Variants in PTPRB observed in about 807,000 individuals in gnomAD.
PTPRB encodes protein tyrosine phosphatase receptor type B.
A neutral mutation model predicts 238.1 loss-of-function variants in PTPRB; 97 were observed. The ratio of observed to expected loss-of-function variants is 0.41; its 90% confidence interval spans 0.35 to 0.48. The LOEUF is 0.48. Among genes scored for constraint, PTPRB ranks in the 20% least tolerant of loss-of-function variants. PTPRB has a pLI of 0.30. For synonymous variants in PTPRB, 970 were observed against 995.4 expected (o/e 0.97, Z 0.48); for missense variants, 2,292 against 2,681.9 (o/e 0.85, Z 3.21).
In PTPRB at chr12:70,521,520, A is replaced by G; in HGVS notation, c.6626-9T>C. The stretch of plus-strand genomic sequence containing the variant: ...CCTTGAATAGACTGGATCTGAAAGG[A>G]AGAACACTGTAATTAGAGACTGCCG... On this transcript the variant is annotated splice_polypyrimidine_tract_variant and intron_variant, in intron 33 of 33. Coordinates refer to ENST00000334414, the MANE Select transcript of PTPRB (RefSeq NM_001109754.4). 1 of 1,539,562 alleles carries G rather than the reference A, an allele frequency of 6.5e-7. No individual in the cohort carries two copies. Among genetic ancestry groups the G allele is most frequent in the African/African-American group, 1.4e-5 (1 of 72,610 alleles).
chr12:70,550,477 T>C (rs1019791785), intron 21 of PTPRB, among the ~76,000 whole-genome samples: 2 of 152,098 alleles, frequency 1.3e-5, no homozygotes, highest in Non-Finnish European at 2.9e-5. Context: ...GGGGAAACCT[T>C]AATTTAGAAG....
chr12:70,541,727 G>C (rs1875150106), intron 22 of PTPRB: 1 of 152,126 alleles, frequency 6.6e-6, no homozygotes, highest in African/African-American at 2.4e-5. Context: ...GTGATCTTTT[G>C]GGACTGGCTC....
intron 18 of PTPRB, among the ~76,000 whole-genome samples, chr12:70,556,466 T>TG (rs1469450948): frequency 6.6e-6 from 1 of 151,514 alleles, no homozygotes; most frequent in African/African-American, 2.4e-5. Flanking sequence ...ACCTTCCAAA[T>TG]GGAAAAAGCA....
In PTPRB at chr12:70,636,000, C is replaced by A. The variant is rs1203261359; in HGVS notation, c.122G>T (p.Gly41Val). 5 of 1,613,486 alleles carry A rather than the reference C, an allele frequency of 3.1e-6. No individual in the cohort carries two copies. The Admixed American group carries it at 6.7e-5, about 22-fold the overall frequency. Residue 41 changes from glycine to valine, a missense_variant, in exon 2 of 34, where the codon GGC becomes GTC. Around this residue, in one of 4 missense-constraint regions of PTPRB, gnomAD observed 1,205 missense variants for 1,287.8 expected, o/e 0.94. Transcript: ENST00000334414. Reference protein sequence around the residue: ...CLFKNEKVVVGSCNRTIQNQQ... With the variant: ...CLFKNEKVVVVSCNRTIQNQQ... ...GTTCTGGATGGTCCTGTTGCATGAG[C>A]CCACGACCACTTTCTCATTTTTGAA...
chr12:70,619,655 C>T (rs540903044), intron 3 of PTPRB, among the ~76,000 whole-genome samples: 2 of 152,276 alleles, frequency 1.3e-5, no homozygotes, highest in East Asian at 3.9e-4. Flanking sequence ...AACCTAGACT[C>T]CCCAGCCTAC....
chr12:70,595,766 A>T (rs1461063613), intron 5 of PTPRB, among the ~76,000 whole-genome samples: 1 of 152,188 alleles, frequency 6.6e-6, no homozygotes, highest in Non-Finnish European at 1.5e-5. Context: ...GATTTGAGTT[A>T]GAAGGGCCAT....
chr12:70,553,918 A>T (rs980784305), intron 20 of PTPRB, among the ~76,000 whole-genome samples: 1 of 152,228 alleles, frequency 6.6e-6, no homozygotes, highest in African/African-American at 2.4e-5. Context: ...GCTCATCTCC[A>T]TGGACATCAA....
chr12:70,576,762 G>T, intron 10 of PTPRB, 117 bp from the exon 11 acceptor site: 1 of 630,020 alleles, frequency 1.6e-6, no homozygotes, highest in Non-Finnish European at 2.8e-6. Flanking sequence ...ACTCACTCAG[G>T]AGATCTAATC....
At chr12:70,599,660 T>C (rs1883312333) in intron 4 of PTPRB, among the ~76,000 whole-genome samples, 3 of 152,188 alleles carry the variant, frequency 2.0e-5, no homozygotes, top group Admixed American at 2.0e-4. Flanking sequence ...TCATTGTATA[T>C]ACTTGAATAA....
chr12:70,578,270 C>G (rs1346426039), intron 10 of PTPRB, among the ~76,000 whole-genome samples: 1 of 151,958 alleles, frequency 6.6e-6, no homozygotes, highest in Non-Finnish European at 1.5e-5. Context: ...ATAAGAATAC[C>G]TTTCAAAATT....
Position 70,594,537 on chromosome 12 carries a change from G to A in PTPRB, c.1446C>T (p.Tyr482=). ...SYAFHGLTPG[Y]LYNLTVMTEA... The stretch of plus-strand genomic sequence containing the variant: ...CAGTCATAACAGTGAGGTTGTAGAG[G>A]TAGCCAGGGGTCAGCCCGTGAAAAG... The change falls in exon 6 of 34, where the codon TAC becomes TAT. Residue 482 remains tyrosine (Y), a synonymous_variant. Coordinates refer to ENST00000334414, the MANE Select transcript of PTPRB (RefSeq NM_001109754.4). 1 of 1,613,982 alleles carries A rather than the reference G, an allele frequency of 6.2e-7. No homozygotes were observed. The highest frequency in any genetic ancestry group is 1.7e-5 in the Admixed American group (1 of 60,012).
intron 2 of PTPRB, among the ~76,000 whole-genome samples, chr12:70,627,878 C>T (rs541176935): frequency 2.8e-4 from 43 of 152,222 alleles, no homozygotes; most frequent in African/African-American, 1.0e-3. Context: ...TTGTTTTTCC[C>T]CACAAGCTCT....
At chr12:70,535,951 C>T (rs2136237057) in intron 29 of PTPRB, 74 bp downstream of exon 29, 1 of 1,584,622 alleles carries the variant, frequency 6.3e-7, no homozygotes, top group Non-Finnish European at 8.6e-7. Context: ...CGGGGTTTCA[C>T]TTTGATGATG....
In PTPRB at chr12:70,636,164, A is replaced by G. The variant is rs1592617803; in HGVS notation, c.56-98T>C. 6.0e-6 allele frequency: 7 copies of G among 1,163,532 alleles called. No individual in the cohort carries two copies. In the East Asian group the frequency reaches 1.8e-4, roughly 30 times the overall value. The allele number at this position is 1,163,532 out of a possible 1,614,324, so 72.1% of individuals were successfully genotyped here. A position where few individuals can be genotyped will look rare whatever the true frequency, so the allele number is the denominator to read the frequency against. On this transcript the variant is annotated intron_variant, in intron 1 of 33. Transcript: ENST00000334414. Reference sequence around the variant, plus strand: ...CACAAATGAGCTAAATAAAATCACTAGTTTTACTTATATTTTGTTATTTCT... The same window carrying G: ...CACAAATGAGCTAAATAAAATCACTGGTTTTACTTATATTTTGTTATTTCT...
intron 32 of PTPRB, chr12:70,525,429 C>G (rs1236002105): frequency 1.3e-5 from 2 of 152,196 alleles, no homozygotes; most frequent in Admixed American, 1.3e-4. Context: ...AGTGCAAGGT[C>G]AGTGTCTTAT....
intron 21 of PTPRB, among the ~76,000 whole-genome samples, chr12:70,546,034 G>A (rs147600230): frequency 0.014 from 2,066 of 152,014 alleles, 43 homozygotes; most frequent in African/African-American, 0.047. Flanking sequence ...CTACTTGGGA[G>A]GCTGAGGCAG....
intron 33 of PTPRB, 82 bp downstream of exon 33, chr12:70,524,389 A>G: frequency 7.1e-7 from 1 of 1,416,464 alleles, no homozygotes; most frequent in Non-Finnish European, 9.5e-7. Flanking sequence ...TGCTGGGATT[A>G]CAGGTGTAAG....
rs368635742 is a variant in PTPRB at position 70,526,860 on chromosome 12, C to CT, written c.6505-2270dup. 7.0e-3 allele frequency among the ~76,000 whole-genome samples: 1,067 copies of CT among 152,274 alleles called. 9 individuals carry two copies. The highest frequency in any genetic ancestry group is 0.04 in the South Asian group (195 of 4,822). ...CTGTGCTATGGCCTATTAATAAATT[C>CT]TTTAACAATGATTCACCGTGGGCTT... is the stretch of plus-strand genomic sequence containing the variant. On this transcript the variant is annotated intron_variant, in intron 32 of 33. Transcript: ENST00000334414.
rs1320673580 is a variant in PTPRB, at chr12:70,560,964, A to G, written c.4169-30T>C. 1 of 1,596,336 alleles carries G rather than the reference A, an allele frequency of 6.3e-7. No homozygotes were observed. Among genetic ancestry groups the G allele is most frequent in the Non-Finnish European group, 8.6e-7 (1 of 1,165,718 alleles). On this transcript the variant is annotated intron_variant, in intron 16 of 33. Coordinates refer to ENST00000334414, the MANE Select transcript of PTPRB (RefSeq NM_001109754.4). This position sits in a 1 kb window ranked among gnomAD's most constrained non-coding sequence, Gnocchi z 4.2. ...AACAGAAGAAAAATTGTTACTGAGA[A>G]CAAAACAGAAACACAGGCATTTTGG...
Sources: allele counts gnomAD v4.1 joint callset (sites outside exome capture counted in the v4.1 genomes callset), GRCh38; gene constraint gnomAD v4.1.1; regional missense constraint gnomAD v4.1.1; non-coding constraint Gnocchi (gnomAD v3.1); transcripts MANE v1.5; gene names NCBI Gene and HGNC (gene_info 2026-07-23, HGNC 2026-07-21).